The following HERPUD1 variants were observed in gnomAD, a reference collection of about 807,000 sequenced individuals.
The protein encoded by HERPUD1 is homocysteine inducible ER protein with ubiquitin like domain 1.
A neutral mutation model predicts 45.0 loss-of-function variants in HERPUD1; 17 were observed. The ratio of observed to expected loss-of-function variants is 0.38; its 90% CI spans 0.26 to 0.57. The LOEUF is 0.57. Ranked by LOEUF, HERPUD1 falls within the 20% of genes least tolerant of loss-of-function variation. The pLI, the probability that HERPUD1 is intolerant of heterozygous loss-of-function variation, is 0.72. For missense variants in HERPUD1, 420 were observed against 490.5 expected (o/e 0.86, Z 1.36); for synonymous variants, 164 against 177.5 (o/e 0.92, Z 0.61).
At chr16:56,937,143 G>A (rs995774720) in intron 4 of HERPUD1, 7 of 190,190 alleles carry the variant, frequency 3.7e-5, no homozygotes, top group South Asian at 1.8e-4. Context: ...AACAGCTGTC[G>A]TAAGCATTGT....
Position 56,938,301 on chromosome 16 carries a change from C to T in HERPUD1, c.432-936C>T, listed in dbSNP as rs142274287. Among the ~76,000 whole-genome samples, 615 of 152,224 alleles carry T rather than the reference C, an allele frequency of 4.0e-3. 7 individuals carry two copies. Among genetic ancestry groups the T allele is most frequent in the African/African-American group, 0.014 (580 of 41,538 alleles). On this transcript the variant is annotated intron_variant, in intron 4 of 7. Transcript: ENST00000439977. ...GCATTTGGCCGGGCGCGGTGGCTCA[C>T]ACCTGTAATCCCAGCACTTTGGGAG...
At chr16:56,938,942 T>C (rs2055887405) in intron 4 of HERPUD1, among the ~76,000 whole-genome samples, 1 of 152,146 alleles carries the variant, frequency 6.6e-6, no homozygotes, top group Non-Finnish European at 1.5e-5. Context: ...AAGTCAAAAC[T>C]GAGGTGGGAT....
rs996915651 is a variant in HERPUD1 at position 56,935,387 on chromosome 16, C to T, written c.226-14C>T. The T allele has an allele frequency of 6.2e-6, 10 of 1,613,564 alleles. No homozygotes were observed. The highest frequency in any genetic ancestry group is 3.3e-5 in the Admixed American group (2 of 59,996). ...TTAGGTTCAGGTCCTTAAGTACCTT[C>T]GTATTACTTTTAGCAGGAAAAACGG... On this transcript the variant is annotated splice_polypyrimidine_tract_variant and intron_variant, in intron 2 of 7. Coordinates refer to ENST00000439977, the MANE Select transcript of HERPUD1 (RefSeq NM_014685.4).
chr16:56,942,714 G>A (rs1467070995), intron 7 of HERPUD1, among the ~76,000 whole-genome samples: 9 of 152,110 alleles, frequency 5.9e-5, no homozygotes, highest in African/African-American at 2.2e-4. Context: ...AATTAGTTGG[G>A]CGTGCCTGTA....
chr16:56,938,603 G>A (rs1433277811), intron 4 of HERPUD1, among the ~76,000 whole-genome samples: 4 of 151,250 alleles, frequency 2.6e-5, no homozygotes, highest in Admixed American at 2.6e-4. Context: ...CATCAGACCA[G>A]CTCTGAAATC....
In HERPUD1 at chr16:56,943,175, G is replaced by C. The variant is rs142816287; in HGVS notation, c.1061G>C (p.Arg354Thr). Residue 354 changes from arginine (R) to threonine (T), a missense_variant, in exon 8 of 8, where the codon AGG (arginine) becomes ACG (threonine). Physicochemically the swap from Arg to Thr is moderately conservative, Grantham distance 71. Coordinates refer to ENST00000439977, the MANE Select transcript of HERPUD1 (RefSeq NM_014685.4). ...GACCCCAACCACCTCCCTCCAGACA[G>C]GGATGTACTAGATGGCGAGCAGACC... ...TEDPNHLPPD[R>T]DVLDGEQTSP... is the part of the protein sequence containing the mutation. 5.3e-4 allele frequency: 859 copies of C among 1,614,190 alleles called. 1 individual carries two copies. Among genetic ancestry groups the C allele is most frequent in the Non-Finnish European group, 6.7e-4 (795 of 1,180,032 alleles).
intron 4 of HERPUD1, 30 bp from the exon 5 acceptor site, chr16:56,939,207 A>C: frequency 6.2e-7 from 1 of 1,609,714 alleles, no homozygotes; most frequent in Non-Finnish European, 8.5e-7. Context: ...AACCCACTCA[A>C]AATGAGTGTT....
chr16:56,942,275 T>C (rs780607292), intron 7 of HERPUD1, 38 bp downstream of exon 7: 1 of 1,382,550 alleles, frequency 7.2e-7, no homozygotes. Flanking sequence ...GAGCTTGACG[T>C]GATATGCCAG....
intron 5 of HERPUD1, among the ~76,000 whole-genome samples, chr16:56,939,657 C>T (rs2055894034): frequency 6.6e-6 from 1 of 152,144 alleles, no homozygotes; most frequent in South Asian, 2.1e-4. Context: ...TGCTACTGTG[C>T]CATAATCTTA....
At chr16:56,936,184 G>C (rs2055864797) in intron 3 of HERPUD1, 1 of 152,640 alleles carries the variant, frequency 6.6e-6, no homozygotes, top group African/African-American at 2.4e-5. Context: ...CATCTGAACA[G>C]AGCATAGGAA....
chr16:56,942,642 G>A (rs567548415), intron 7 of HERPUD1, among the ~76,000 whole-genome samples: 1 of 152,096 alleles, frequency 6.6e-6, no homozygotes, highest in Non-Finnish European at 1.5e-5. Flanking sequence ...ATCACCTGAG[G>A]TCAGGAGTTT....
chr16:56,935,832 A>C, intron 3 of HERPUD1: 1 of 188,532 alleles, frequency 5.3e-6, no homozygotes, highest in South Asian at 1.2e-4. Flanking sequence ...ATTTTTATAA[A>C]GAGTACAAAA....
In HERPUD1 at chr16:56,936,740, G is replaced by A. The variant is rs1486409344; in HGVS notation, c.354G>A (p.Glu118=). ...PAGSNRGQYP[E]DSSSDGLRQR... ...GTTCTAATCGGGGACAGTATCCTGAGGATTCCTCAAGTGATGGTTTAAGGC... is the reference window on the plus strand; with the variant it reads ...GTTCTAATCGGGGACAGTATCCTGAAGATTCCTCAAGTGATGGTTTAAGGC... Residue 118 remains glutamate, a synonymous_variant, in exon 4 of 8, where the codon GAG becomes GAA. Coordinates refer to ENST00000439977, the MANE Select transcript of HERPUD1 (RefSeq NM_014685.4). The A allele has an allele frequency of 6.2e-7, 1 of 1,614,026 alleles. No homozygotes were observed. Among genetic ancestry groups the A allele is most frequent in the Admixed American group, 1.7e-5 (1 of 60,010 alleles).
rs2055928836 is a variant in HERPUD1, at chr16:56,943,600, G to A, written c.*310G>A. 2.2e-6 allele frequency: 1 copy of A among 459,848 alleles called. No individual in the cohort carries two copies. The highest frequency in any genetic ancestry group is 1.9e-5 in the African/African-American group (1 of 51,488). The allele number at this position is 459,848 out of a possible 1,614,324, so 28.5% of individuals were successfully genotyped here. A position where few individuals can be genotyped will look rare whatever the true frequency, so the allele number is the denominator to read the frequency against. Reference sequence around the variant, plus strand: ...CTATGCTTGAGGAACTTTTCCAAATGTGTGTGTCTGCATGTGTGTTTGTAC... The same window carrying A: ...CTATGCTTGAGGAACTTTTCCAAATATGTGTGTCTGCATGTGTGTTTGTAC... On this transcript the variant is annotated 3_prime_UTR_variant, in exon 8 of 8. Coordinates refer to ENST00000439977, the MANE Select transcript of HERPUD1 (RefSeq NM_014685.4).
At position 56,939,875 on chromosome 16, in the gene HERPUD1, C is replaced by A; in HGVS notation, c.555-20C>A. ...GTGCTTTGGTCTCAACAGTATCTGC[C>A]TCTGTCGTTTTTATTTTAGTTTAGC... On this transcript the variant is annotated intron_variant, in intron 5 of 7. Transcript: ENST00000439977. The A allele has an allele frequency of 6.3e-7, 1 of 1,591,248 alleles. No homozygotes were observed. The highest frequency in any genetic ancestry group is 8.6e-7 in the Non-Finnish European group (1 of 1,160,556).
chr16:56,938,027 A>G (rs2055879382), intron 4 of HERPUD1, among the ~76,000 whole-genome samples: 1 of 152,104 alleles, frequency 6.6e-6, no homozygotes, highest in East Asian at 1.9e-4. Flanking sequence ...ATCTCACCAT[A>G]TTTAAACTTG....
intron 4 of HERPUD1, among the ~76,000 whole-genome samples, chr16:56,938,655 C>T (rs1482497184): frequency 1.3e-5 from 2 of 152,124 alleles, no homozygotes; most frequent in Non-Finnish European, 1.5e-5. Context: ...GTGCAAAGCC[C>T]CTGTCTTCCC....
intron 1 of HERPUD1, 177 bp from the exon 2 acceptor site, chr16:56,935,058 A>C: frequency 1.7e-6 from 1 of 588,934 alleles, no homozygotes; most frequent in Non-Finnish European, 3.1e-6. Context: ...GACCAGTTAA[A>C]GTTAAGACAC....
At chr16:56,937,025 G>A (rs1165250400) in intron 4 of HERPUD1, 4 of 396,824 alleles carry the variant, frequency 1.0e-5, no homozygotes, top group Middle Eastern at 6.7e-4. Flanking sequence ...TTAAAAAGTA[G>A]GTAATGCATA....
Sources: allele counts gnomAD v4.1 joint callset (sites outside exome capture counted in the v4.1 genomes callset), GRCh38; gene constraint gnomAD v4.1.1; transcripts MANE v1.5; gene names NCBI Gene and HGNC (gene_info 2026-07-23, HGNC 2026-07-21).